SAMD5: variants seen among roughly 807,000 people sequenced by gnomAD.
The protein encoded by SAMD5 is sterile alpha motif domain-containing protein 5.
Under a neutral mutation model 11.3 loss-of-function variants are expected in SAMD5, and 13 were observed. The ratio of observed to expected loss-of-function variants is 1.15; its 90% CI spans 0.75 to 1.83. The LOEUF (loss-of-function observed/expected upper bound fraction) is 1.83, where lower values mean the gene tolerates loss of function less well. SAMD5 is among the 40% of genes most tolerant of loss of function. SAMD5 has a pLI of 0.00. For synonymous variants in SAMD5, 129 were observed against 111.3 expected (o/e 1.16, Z -1.00); for missense variants, 255 against 239.1 (o/e 1.07, Z -0.44).
At chr6:147,950,199 C>A in the SAMD5 span, among the ~76,000 whole-genome samples, 291 of 152,324 alleles carry the variant, frequency 1.9e-3, no homozygotes, top group African/African-American at 6.7e-3. Context: ...ATTTTGCATT[C>A]TTACCATACC....
At chr6:147,601,625 T>C (rs1253871891) in intron 1 of SAMD5, among the ~76,000 whole-genome samples, 1 of 152,164 alleles carries the variant, frequency 6.6e-6, no homozygotes, top group Non-Finnish European at 1.5e-5. Context: ...ATACCGTAGA[T>C]TATAATGCTC....
the SAMD5 span, among the ~76,000 whole-genome samples, chr6:147,843,787 T>G: frequency 2.0e-5 from 3 of 152,106 alleles, no homozygotes; most frequent in African/African-American, 7.2e-5. Flanking sequence ...AACTAGAAAT[T>G]CACATGCAGA....
chr6:147,938,834 A>G, the SAMD5 span, among the ~76,000 whole-genome samples: 1 of 152,178 alleles, frequency 6.6e-6, no homozygotes, highest in Non-Finnish European at 1.5e-5. Flanking sequence ...TGGATACCAA[A>G]TGCATGGGTT....
At chr6:147,662,500 A>G (rs1362116414) in intron 1 of SAMD5, among the ~76,000 whole-genome samples, 1 of 152,242 alleles carries the variant, frequency 6.6e-6, no homozygotes, top group Non-Finnish European at 1.5e-5. Context: ...TGAATTAGGA[A>G]AGGATTTAAA....
intron 1 of SAMD5, among the ~76,000 whole-genome samples, chr6:147,629,103 C>T (rs1169739591): frequency 6.6e-6 from 1 of 151,944 alleles, no homozygotes; most frequent in Non-Finnish European, 1.5e-5. Flanking sequence ...CTAGCATGGC[C>T]AACATGATGA....
the SAMD5 span, among the ~76,000 whole-genome samples, chr6:147,916,507 T>C: frequency 6.6e-6 from 1 of 152,200 alleles, no homozygotes; most frequent in African/African-American, 2.4e-5. Flanking sequence ...TGGCCAGTGA[T>C]GATGAGTATT....
intron 1 of SAMD5, among the ~76,000 whole-genome samples, chr6:147,601,591 TGTACACGTCGTTTG>T (rs1423055965): frequency 6.6e-6 from 1 of 152,202 alleles, no homozygotes; most frequent in East Asian, 1.9e-4. Flanking sequence ...CACACGTCCA[TGTACACGTCGTTTG>T]AAGATAAACA....
At chr6:147,851,787 T>G in the SAMD5 span, among the ~76,000 whole-genome samples, 1 of 152,190 alleles carries the variant, frequency 6.6e-6, no homozygotes, top group African/African-American at 2.4e-5. Context: ...CCAGCCAGCC[T>G]TAAATCTGGG....
the SAMD5 span, among the ~76,000 whole-genome samples, chr6:147,952,278 A>G: frequency 1.3e-5 from 2 of 152,174 alleles, no homozygotes; most frequent in African/African-American, 4.8e-5. Flanking sequence ...TGTATTTGAT[A>G]TATCAAGATT....
At chr6:147,689,923 A>T (rs1281417538) in intron 1 of SAMD5, among the ~76,000 whole-genome samples, 1 of 152,310 alleles carries the variant, frequency 6.6e-6, no homozygotes, top group African/African-American at 2.4e-5. Flanking sequence ...AGAGTGCTAT[A>T]GTGTTATTTT....
At chr6:147,529,845 T>C (rs2128440981) in intron 1 of SAMD5, among the ~76,000 whole-genome samples, 1 of 152,344 alleles carries the variant, frequency 6.6e-6, no homozygotes, top group South Asian at 2.1e-4. Context: ...TTTTGAATAT[T>C]GTCATTAAAA....
chr6:147,517,829 A>G (rs1270689692), intron 1 of SAMD5, among the ~76,000 whole-genome samples: 1 of 151,934 alleles, frequency 6.6e-6, no homozygotes, highest in East Asian at 1.9e-4. Flanking sequence ...CATTCAGTAA[A>G]GTGTGAAATG....
intron 1 of SAMD5, among the ~76,000 whole-genome samples, chr6:147,656,038 A>T (rs1790561470): frequency 6.6e-6 from 1 of 152,204 alleles, no homozygotes; most frequent in African/African-American, 2.4e-5. Context: ...CTAATTATGG[A>T]TCAAAATCCA....
At chr6:147,520,346 C>A (rs1353387126) in intron 1 of SAMD5, among the ~76,000 whole-genome samples, 1 of 152,122 alleles carries the variant, frequency 6.6e-6, no homozygotes, top group Non-Finnish European at 1.5e-5. Flanking sequence ...GTCTCAAACT[C>A]CTGACCTCAG....
chr6:147,623,339 C>G (rs1350426835), intron 1 of SAMD5, among the ~76,000 whole-genome samples: 3 of 152,124 alleles, frequency 2.0e-5, no homozygotes, highest in African/African-American at 7.2e-5. Context: ...ATAAGTAGCC[C>G]CATATGACAA....
intron 1 of SAMD5, among the ~76,000 whole-genome samples, chr6:147,579,775 AT>A (rs1789269745): frequency 6.6e-6 from 1 of 152,090 alleles, no homozygotes; most frequent in Non-Finnish European, 1.5e-5. Flanking sequence ...GAATTCTTAA[AT>A]GTTATACTTG....
chr6:147,862,457 T>G, the SAMD5 span, among the ~76,000 whole-genome samples: 2 of 152,326 alleles, frequency 1.3e-5, no homozygotes, highest in East Asian at 3.9e-4. Context: ...GCGTGCCTAC[T>G]ACCAAGATGA....
chr6:147,929,545 G>A, the SAMD5 span, among the ~76,000 whole-genome samples: 1 of 152,072 alleles, frequency 6.6e-6, no homozygotes, highest in South Asian at 2.1e-4. Flanking sequence ...TTACCAAAAT[G>A]AAGAAATAAA....
the SAMD5 span, among the ~76,000 whole-genome samples, chr6:147,891,009 A>G: frequency 2.0e-5 from 3 of 152,236 alleles, no homozygotes; most frequent in Non-Finnish European, 4.4e-5. Context: ...ATGATTGCAT[A>G]TGGATATTTC....
Sources: gnomAD v4.1 joint callset for allele counts (sites outside exome capture counted in the v4.1 genomes callset) on GRCh38, gnomAD v4.1.1 for gene constraint, MANE v1.5 for transcripts, NCBI Gene and HGNC (gene_info 2026-07-23, HGNC 2026-07-21) for gene names.